TASP1: variants seen among roughly 807,000 people sequenced by gnomAD.
TASP1 encodes the protein taspase 1.
Under a neutral mutation model 56.6 loss-of-function variants are expected in TASP1, and 16 were observed. That is an observed-to-expected ratio of 0.28 (90% confidence interval 0.19 to 0.43). The LOEUF is 0.43. TASP1 is among the 20% of genes least tolerant of loss of function. TASP1 has a pLI of 1.00. For synonymous variants in TASP1, 179 were observed against 184.2 expected (o/e 0.97, Z 0.23); for missense variants, 393 against 511.6 (o/e 0.77, Z 2.24).
intron 8 of TASP1, among the ~76,000 whole-genome samples, chr20:13,549,905 A>G (rs1473591580): frequency 6.6e-6 from 1 of 152,168 alleles, no homozygotes. Flanking sequence ...ATGTCAACTT[A>G]TAACAAATAT....
intron 10 of TASP1, among the ~76,000 whole-genome samples, chr20:13,500,489 A>C (rs896514279): frequency 1.3e-5 from 2 of 151,720 alleles, no homozygotes; most frequent in Non-Finnish European, 2.9e-5. Flanking sequence ...CAGATGTTGG[A>C]ATTATCAGAT....
At chr20:13,205,555 C>T in the TASP1 span, among the ~76,000 whole-genome samples, 7,534 of 149,836 alleles carry the variant, frequency 0.05, 496 homozygotes, top group East Asian at 0.2. Context: ...AACTTGCAAA[C>T]AGTCATCTCC....
chr20:13,496,610 C>T (rs111432336), intron 10 of TASP1, among the ~76,000 whole-genome samples: 1 of 151,856 alleles, frequency 6.6e-6, no homozygotes, highest in African/African-American at 2.4e-5. Flanking sequence ...AAGAAAATTA[C>T]CAAAGATAGT....
the TASP1 span, chr20:13,270,416 C>A: frequency 7.0e-7 from 1 of 1,434,962 alleles, no homozygotes; most frequent in Non-Finnish European, 9.4e-7. Context: ...TGGAATTGTC[C>A]TTGCTCCTGA....
At chr20:13,132,311 G>C in the TASP1 span, among the ~76,000 whole-genome samples, 2 of 151,314 alleles carry the variant, frequency 1.3e-5, no homozygotes, top group African/African-American at 2.4e-5. Context: ...TGAGTAGCTG[G>C]GACTACAGGA....
At chr20:13,597,816 T>G (rs1423955426) in intron 4 of TASP1, among the ~76,000 whole-genome samples, 2 of 152,214 alleles carry the variant, frequency 1.3e-5, no homozygotes, top group Non-Finnish European at 2.9e-5. Context: ...CTTACGCTGA[T>G]AAGCAACTTC....
intron 8 of TASP1, among the ~76,000 whole-genome samples, chr20:13,538,197 T>A (rs2045487708): frequency 6.6e-6 from 1 of 152,084 alleles, no homozygotes. Context: ...ATAGACACAG[T>A]TTCACTATGT....
intron 4 of TASP1, among the ~76,000 whole-genome samples, chr20:13,594,744 G>A (rs750344345): frequency 1.3e-5 from 2 of 152,186 alleles, no homozygotes; most frequent in African/African-American, 4.8e-5. Flanking sequence ...CCAAATCTAC[G>A]TCTGATTGGT....
At chr20:13,377,011 C>T in the TASP1 span, among the ~76,000 whole-genome samples, 1 of 152,190 alleles carries the variant, frequency 6.6e-6, no homozygotes, top group Non-Finnish European at 1.5e-5. Flanking sequence ...ACAATCATGT[C>T]ATCTGCAAAC....
chr20:13,120,259 A>G, the TASP1 span, among the ~76,000 whole-genome samples: 11 of 152,260 alleles, frequency 7.2e-5, no homozygotes, highest in East Asian at 2.1e-3. Flanking sequence ...TAGACAGATG[A>G]ATAATCTCCC....
intron 10 of TASP1, among the ~76,000 whole-genome samples, chr20:13,518,709 G>A (rs2044626678): frequency 1.3e-5 from 2 of 152,116 alleles, no homozygotes; most frequent in South Asian, 2.1e-4. Flanking sequence ...ACACATCAAC[G>A]AACAAAGCTG....
the TASP1 span, among the ~76,000 whole-genome samples, chr20:13,146,700 CCAAA>C: frequency 6.6e-6 from 1 of 152,136 alleles, no homozygotes; most frequent in Non-Finnish European, 1.5e-5. Flanking sequence ...ATCATTTGTT[CCAAA>C]CAGTGTCAGA....
chr20:13,587,217 T>A, intron 5 of TASP1, 33 bp downstream of exon 5: 2 of 1,581,102 alleles, frequency 1.3e-6, no homozygotes, highest in South Asian at 1.2e-5. Context: ...GTGCATGATT[T>A]TCCAAAGATA....
the TASP1 span, among the ~76,000 whole-genome samples, chr20:13,219,796 A>G: frequency 6.6e-6 from 1 of 152,194 alleles, no homozygotes; most frequent in Non-Finnish European, 1.5e-5. Context: ...AAATTCTGCA[A>G]AGTACCGCGG....
the TASP1 span, among the ~76,000 whole-genome samples, chr20:13,214,562 C>CAGAGAGAGAGAGAGAGAG: frequency 4.5e-5 from 5 of 111,370 alleles, no homozygotes; most frequent in South Asian, 6.1e-4. Flanking sequence ...CACACACACA[C>CAGAGAGAGAGAGAGAGAG]AGAGAGAGAG....
chr20:13,292,669 G>T, the TASP1 span, among the ~76,000 whole-genome samples: 7 of 152,124 alleles, frequency 4.6e-5, no homozygotes, highest in African/African-American at 1.7e-4. Flanking sequence ...GAGCGCTTCT[G>T]TGTTCACTCT....
the TASP1 span, among the ~76,000 whole-genome samples, chr20:13,274,391 T>G: frequency 6.6e-6 from 1 of 152,100 alleles, no homozygotes; most frequent in Non-Finnish European, 1.5e-5. Flanking sequence ...TGAAGTCAGG[T>G]GAGGGGCCCT....
chr20:13,440,501 G>T (rs1029861649), intron 11 of TASP1, among the ~76,000 whole-genome samples: 2 of 152,080 alleles, frequency 1.3e-5, no homozygotes, highest in Non-Finnish European at 2.9e-5. Context: ...AATACATGTT[G>T]GTTTGAAATT....
At chr20:13,602,606 G>A (rs993037524) in intron 4 of TASP1, among the ~76,000 whole-genome samples, 1 of 152,136 alleles carries the variant, frequency 6.6e-6, no homozygotes, top group African/African-American at 2.4e-5. Context: ...TCCATGGATG[G>A]GGTGGGGAAT....
Sources: allele counts gnomAD v4.1 joint callset (sites outside exome capture counted in the v4.1 genomes callset), GRCh38; gene constraint gnomAD v4.1.1; transcripts MANE v1.5; gene names NCBI Gene and HGNC (gene_info 2026-07-23, HGNC 2026-07-21).